The following NCBP3 variants were observed in gnomAD, a reference collection of about 807,000 sequenced individuals.
NCBP3 encodes the protein nuclear cap-binding protein subunit 3.
In NCBP3, 20 loss-of-function variants were observed where a neutral mutation model predicts 75.7. That is an observed-to-expected ratio of 0.26 (90% CI 0.19 to 0.38). The LOEUF (loss-of-function observed/expected upper bound fraction) is 0.38. NCBP3 is among the 10% of genes least tolerant of loss of function. The pLI is 1.00. For missense variants in NCBP3, 678 were observed against 796.9 expected, an observed-to-expected ratio of 0.85 and a Z score of 1.80; for synonymous variants, 293 against 290.5, an observed-to-expected ratio of 1.01 and a Z score of -0.09.
At chr17:3,845,170 G>A (rs1188255562) in intron 1 of NCBP3, among the ~76,000 whole-genome samples, 1 of 152,170 alleles carries the variant, frequency 6.6e-6, no homozygotes, top group East Asian at 1.9e-4. Context: ...ACAATATAGT[G>A]AATGGTAAAT....
At chr17:3,823,041 C>T (rs149905917) in intron 7 of NCBP3, 6,742 of 152,280 alleles carry the variant, frequency 0.044, 214 homozygotes, top group Admixed American at 0.093. Flanking sequence ...AGGCTGGGCG[C>T]GATGGCTCAC....
intron 2 of NCBP3, among the ~76,000 whole-genome samples, chr17:3,842,573 A>G (rs1223104052): frequency 6.6e-6 from 1 of 152,222 alleles, no homozygotes; most frequent in Non-Finnish European, 1.5e-5. Flanking sequence ...CAACACAGGT[A>G]TCTAAGTAGA....
At position 3,825,801 on chromosome 17, in the gene NCBP3, CCTT is replaced by C. The variant is rs750377363; in HGVS notation, c.650_652del (p.Glu217del). ...ACTTGAGTTCTCATCTTCAACCTCT[CCTT>C]CTTCAGCTTCATCATCATCTGAACT... is the stretch of plus-strand genomic sequence containing the variant. On this transcript the variant is annotated inframe_deletion, in exon 6 of 13. Transcript: ENST00000389005. 3.2e-6 allele frequency: 5 copies of C among 1,551,560 alleles called. No homozygotes were observed. Among genetic ancestry groups the C allele is most frequent in the East Asian group, 4.9e-5 (2 of 40,882 alleles).
intron 9 of NCBP3, among the ~76,000 whole-genome samples, chr17:3,819,605 T>C (rs935345061): frequency 7.9e-5 from 12 of 151,758 alleles, no homozygotes; most frequent in Non-Finnish European, 1.5e-4. Flanking sequence ...AGGTTACATA[T>C]TGATCAACTG....
rs2116443 is a variant in NCBP3, at chr17:3,804,429, C to T, written c.*8615G>A. 0.51 allele frequency: 77,963 copies of T among 151,924 alleles called. 20,020 individuals carry two copies. The highest frequency in any genetic ancestry group is 0.62 in the East Asian group (3,162 of 5,138). The allele number at this position is 151,924 out of a possible 1,614,324, so 9.4% of individuals were successfully genotyped here. A position where few individuals can be genotyped will look rare whatever the true frequency, so the allele number is the denominator to read the frequency against. On this transcript the variant is annotated 3_prime_UTR_variant, in exon 13 of 13. Coordinates refer to ENST00000389005, the MANE Select transcript of NCBP3 (RefSeq NM_001114118.3). ...CAGGCGTGGCAGCGTGTGCCTGTAG[C>T]CCCAGCTTCGGGAGGCTATGGTGGG...
rs1567583510 is a variant in NCBP3, at chr17:3,818,694, A to G, written c.1001-122T>C. The G allele has an allele frequency of 9.1e-7, 1 of 1,099,276 alleles. No homozygotes were observed. The highest frequency in any genetic ancestry group is 1.5e-5 in the South Asian group (1 of 65,846). 68.1% of individuals were successfully genotyped at this position (1,099,276 alleles called of 1,614,324 possible). On this transcript the variant is annotated intron_variant, in intron 9 of 12. Transcript: ENST00000389005. This position sits in a 1 kb window ranked among gnomAD's most constrained non-coding sequence, Gnocchi z 4.7. ...CCCATCCCTGACATTTTATTGGAGC[A>G]CTATCTATAATAGTGCCAAATGGAC...
In NCBP3 at chr17:3,813,059, T is replaced by G. The variant is rs779804884; in HGVS notation, c.1848A>C (p.Ser616=). 1 of 1,614,080 alleles carries G rather than the reference T, an allele frequency of 6.2e-7. No individual in the cohort carries two copies. The highest frequency in any genetic ancestry group is 8.5e-7 in the Non-Finnish European group (1 of 1,180,030). Residue 616 remains serine (S), a synonymous_variant, in exon 13 of 13, where the codon TCA becomes TCC. Transcript: ENST00000389005. Reference sequence around the variant, plus strand: ...CCCAGGGGCATCAGGACTCTGCCTCTGAACCAGAGCTGCTTTCCCGACTAA... The same window carrying G: ...CCCAGGGGCATCAGGACTCTGCCTCGGAACCAGAGCTGCTTTCCCGACTAA... ...IEVSRESSSG[S]EAES is the part of the protein sequence containing the mutation.
In NCBP3 at chr17:3,804,097, T is replaced by C. The variant is rs183305683; in HGVS notation, c.*8947A>G. 367 of 152,286 alleles carry C rather than the reference T, an allele frequency of 2.4e-3. 2 individuals are homozygous for C. The highest frequency in any genetic ancestry group is 3.9e-3 in the Admixed American group (59 of 15,284). 9.4% of individuals were successfully genotyped at this position (152,286 alleles called of 1,614,324 possible). ...TCTCAGAAAAAGTGGCCAGGTGCAC[T>C]TGTAGTCACAGTTACTTAAGAGGTT... On this transcript the variant is annotated 3_prime_UTR_variant, in exon 13 of 13. Coordinates refer to ENST00000389005, the MANE Select transcript of NCBP3 (RefSeq NM_001114118.3).
rs374332802 is a variant in NCBP3 at position 3,832,523 on chromosome 17, C to T, written c.356-3155G>A. ...GCAGGCACCTGTAGTCCCAGCTACTCGGGAGGCTGAGGCAGGAGAATCACT... is the reference window on the plus strand; with the variant it reads ...GCAGGCACCTGTAGTCCCAGCTACTTGGGAGGCTGAGGCAGGAGAATCACT... On this transcript the variant is annotated intron_variant, in intron 3 of 12. Transcript: ENST00000389005. Among the ~76,000 whole-genome samples the T allele has an allele frequency of 2.6e-3, 176 of 67,316 alleles. 13 individuals are homozygous for T. The highest frequency in any genetic ancestry group is 4.2e-3 in the African/African-American group (138 of 32,600). The allele number at this position is 67,316 out of a possible 152,430, so 44.2% of individuals were successfully genotyped here.
In NCBP3 at chr17:3,814,347, G is replaced by A. The variant is rs757781733; in HGVS notation, c.1602C>T (p.Tyr534=). 3.9e-5 allele frequency: 63 copies of A among 1,614,020 alleles called. No individual in the cohort carries two copies. The highest frequency in any genetic ancestry group is 8.3e-5 in the Admixed American group (5 of 60,000). ...CTGATTTCTTCTCCCGAGTATCGGC[G>A]TAGAGGCCTTTACTATCCTGCCTGG... ...GVPRQDSKGL[Y]ADTREKKSGN... The change falls in exon 12 of 13, where the codon TAC becomes TAT. Residue 534 remains tyrosine (Y), a synonymous_variant. Transcript: ENST00000389005.
chr17:3,820,605 C>T (rs559129627), intron 9 of NCBP3, among the ~76,000 whole-genome samples: 101 of 152,244 alleles, frequency 6.6e-4, no homozygotes, highest in Non-Finnish European at 1.2e-3. Flanking sequence ...AGAAAAAGAA[C>T]AATACAATCA....
At chr17:3,827,740 TC>T (rs1342415121) in intron 4 of NCBP3, among the ~76,000 whole-genome samples, 1 of 151,994 alleles carries the variant, frequency 6.6e-6, no homozygotes, top group Non-Finnish European at 1.5e-5. Flanking sequence ...ATTCTGAGAG[TC>T]CCTCCAATTC....
At position 3,803,296 on chromosome 17, in the gene NCBP3, C is replaced by T. The variant is rs151069886; in HGVS notation, c.*9748G>A. On this transcript the variant is annotated 3_prime_UTR_variant, in exon 13 of 13. Coordinates refer to ENST00000389005, the MANE Select transcript of NCBP3 (RefSeq NM_001114118.3). Reference sequence around the variant, plus strand: ...AGAAAGGCTGAGGACCTGCTCCAAACGAAAGGAGGCTGCAGAGAGGACAAC... The same window carrying T: ...AGAAAGGCTGAGGACCTGCTCCAAATGAAAGGAGGCTGCAGAGAGGACAAC... 5.9e-5 allele frequency: 9 copies of T among 152,324 alleles called. No homozygotes were observed. Among genetic ancestry groups the T allele is most frequent in the South Asian group, 2.1e-4 (1 of 4,824 alleles). The allele number at this position is 152,324 out of a possible 1,614,324, so 9.4% of individuals were successfully genotyped here.
rs552335144 is a variant in NCBP3, at chr17:3,835,550, C to G, written c.355+4550G>C. Reference sequence around the variant, plus strand: ...CTACTGTATGAAAGGACTTCACAGTCACACAGTAACTGACGGACAGAAATT... The same window carrying G: ...CTACTGTATGAAAGGACTTCACAGTGACACAGTAACTGACGGACAGAAATT... On this transcript the variant is annotated intron_variant, in intron 3 of 12. Coordinates refer to ENST00000389005, the MANE Select transcript of NCBP3 (RefSeq NM_001114118.3). Among the ~76,000 whole-genome samples, 481 of 152,392 alleles carry G rather than the reference C, an allele frequency of 3.2e-3. 6 individuals carry two copies. The highest frequency in any genetic ancestry group is 0.011 in the African/African-American group (469 of 41,592).
chr17:3,820,673 C>T lies in NCBP3; in HGVS notation c.1000+576G>A, dbSNP rs182326837. ...TTTGGCTAGGCGCGGTAGCTCACAC[C>T]TGTAATCCCAGCACTCTGGGAGGCC... On this transcript the variant is annotated intron_variant, in intron 9 of 12. Coordinates refer to ENST00000389005, the MANE Select transcript of NCBP3 (RefSeq NM_001114118.3). Among the ~76,000 whole-genome samples, 866 of 152,310 alleles carry T rather than the reference C, an allele frequency of 5.7e-3. 2 individuals are homozygous for T. The highest frequency in any genetic ancestry group is 0.013 in the Admixed American group (203 of 15,302).
At chr17:3,838,163 G>A (rs2054008051) in intron 3 of NCBP3, among the ~76,000 whole-genome samples, 1 of 152,184 alleles carries the variant, frequency 6.6e-6, no homozygotes, top group African/African-American at 2.4e-5. Flanking sequence ...AGCTCCAACA[G>A]ATGTGAGAAA....
chr17:3,839,450 C>T (rs1336028673), intron 3 of NCBP3, among the ~76,000 whole-genome samples: 6 of 152,072 alleles, frequency 3.9e-5, no homozygotes, highest in Admixed American at 1.3e-4. Flanking sequence ...CAGGTTCAAG[C>T]GATTCTCACG....
chr17:3,816,000 A>T, intron 11 of NCBP3, 116 bp downstream of exon 11: 1 of 958,538 alleles, frequency 1.0e-6, no homozygotes, highest in South Asian at 1.9e-5. Flanking sequence ...AGACATGATG[A>T]ACCAGGACAG....
intron 5 of NCBP3, 84 bp from the exon 6 acceptor site, chr17:3,825,927 T>C (rs2053775552): frequency 7.1e-7 from 1 of 1,417,308 alleles, no homozygotes; most frequent in Non-Finnish European, 9.7e-7. Context: ...TCATATAATT[T>C]TAAAAGTCCA....
Sources: gnomAD v4.1 joint callset for allele counts (sites outside exome capture counted in the v4.1 genomes callset) on GRCh38, gnomAD v4.1.1 for gene constraint, Gnocchi (gnomAD v3.1) non-coding constraint, MANE v1.5 for transcripts, NCBI Gene and HGNC (gene_info 2026-07-23, HGNC 2026-07-21) for gene names.